CNOT11: variants seen among roughly 807,000 people sequenced by gnomAD.
The protein encoded by CNOT11 is UPF0760 protein C2orf29.
A neutral mutation model predicts 44.6 loss-of-function variants in CNOT11; 18 were observed. That is an observed-to-expected ratio of 0.40 (90% CI 0.28 to 0.60). CNOT11 has a LOEUF of 0.60. Among genes scored for constraint, CNOT11 ranks in the 20% least tolerant of loss-of-function variants. The pLI, the probability that CNOT11 is intolerant of heterozygous loss-of-function variation, is 0.38. For synonymous variants in CNOT11, 291 were observed against 270.9 expected (o/e 1.07, Z -0.73); for missense variants, 513 against 677.0 (o/e 0.76, Z 2.69).
chr2:101,264,792 G>A (rs1681942618), intron 3 of CNOT11, 53 bp from the exon 4 acceptor site: 2 of 1,364,908 alleles, frequency 1.5e-6, no homozygotes, highest in South Asian at 1.2e-5. Flanking sequence ...TGTGTGAGAT[G>A]TGTAGAGATG....
At position 101,262,546 on chromosome 2, in the gene CNOT11, A is replaced by G. The variant is rs200447002; in HGVS notation, c.687A>G (p.Gln229=). Residue 229 remains glutamine (Q), a synonymous_variant, in exon 3 of 7, where the codon CAA becomes CAG. Coordinates refer to ENST00000289382, the MANE Select transcript of CNOT11 (RefSeq NM_017546.5). ...AATGTCTCCTATTTCCAGAACGCCAATCTGAATTGCCAACGCAAAGCAAAG... is the reference window on the plus strand; with the variant it reads ...AATGTCTCCTATTTCCAGAACGCCAGTCTGAATTGCCAACGCAAAGCAAAG... ...SGLQLALAER[Q]SELPTQSKAS... 2.5e-6 allele frequency: 4 copies of G among 1,613,916 alleles called. No homozygotes were observed. The highest frequency in any genetic ancestry group is 2.5e-6 in the Non-Finnish European group (3 of 1,179,940).
intron 2 of CNOT11, among the ~76,000 whole-genome samples, chr2:101,262,066 T>C (rs1396635711): frequency 6.6e-6 from 1 of 152,040 alleles, no homozygotes; most frequent in Admixed American, 6.6e-5. Flanking sequence ...GCCAGGATGG[T>C]CTCGATCTCC....
At position 101,269,663 on chromosome 2, in the gene CNOT11, G is replaced by C; in HGVS notation, c.*250G>C. On this transcript the variant is annotated 3_prime_UTR_variant, in exon 7 of 7. Transcript: ENST00000289382. This position sits in a 1 kb window ranked among gnomAD's most constrained non-coding sequence, Gnocchi z 4.8. Reference sequence around the variant, plus strand: ...AGGAGGAATGGCTATCCCAAAAAAAGTTCCGCAAAAAAGTAGATGAGTTTC... The same window carrying C: ...AGGAGGAATGGCTATCCCAAAAAAACTTCCGCAAAAAAGTAGATGAGTTTC... 3.0e-6 allele frequency: 1 copy of C among 337,724 alleles called. No homozygotes were observed. 20.9% of individuals were successfully genotyped at this position (337,724 alleles called of 1,614,324 possible).
Position 101,259,624 on chromosome 2 carries a change from C to T in CNOT11, c.679+1669C>T, listed in dbSNP as rs75734995. Among the ~76,000 whole-genome samples the T allele has an allele frequency of 4.5e-3, 682 of 152,308 alleles. 3 individuals are homozygous for T. The highest frequency in any genetic ancestry group is 0.015 in the African/African-American group (613 of 41,556). ...AGTAAGCTGAAGTATTTTGACAATG[C>T]CCCATCCTTCTTAGACTTCATAAAC... On this transcript the variant is annotated intron_variant, in intron 2 of 6. Coordinates refer to ENST00000289382, the MANE Select transcript of CNOT11 (RefSeq NM_017546.5).
intron 1 of CNOT11, among the ~76,000 whole-genome samples, chr2:101,257,015 C>T (rs1245358798): frequency 6.6e-6 from 1 of 151,588 alleles, no homozygotes; most frequent in Non-Finnish European, 1.5e-5. Flanking sequence ...CACCACTGCA[C>T]TCCAGCCTGG....
intron 2 of CNOT11, among the ~76,000 whole-genome samples, chr2:101,260,919 T>C (rs951796275): frequency 6.6e-6 from 1 of 152,162 alleles, no homozygotes; most frequent in Non-Finnish European, 1.5e-5. Flanking sequence ...TACAGGATAA[T>C]TTTAGTGAGC....
chr2:101,265,862 C>T (rs1334215586), intron 4 of CNOT11, among the ~76,000 whole-genome samples: 1 of 152,170 alleles, frequency 6.6e-6, no homozygotes, highest in Non-Finnish European at 1.5e-5. Flanking sequence ...CAAGGCCACT[C>T]TTCTATTGGT....
intron 4 of CNOT11, 42 bp downstream of exon 4, chr2:101,265,089 ATTTATT>A (rs1681952107): frequency 1.5e-6 from 2 of 1,347,582 alleles, no homozygotes; most frequent in African/African-American, 3.0e-5. Flanking sequence ...TTTTTTTTAA[ATTTATT>A]TTTAATTAAA....
chr2:101,268,665 G>A (rs1682045929), intron 5 of CNOT11, among the ~76,000 whole-genome samples: 1 of 152,150 alleles, frequency 6.6e-6, no homozygotes, highest in South Asian at 2.1e-4. Context: ...CGGAATTCCT[G>A]TTCCCACCCC....
At chr2:101,262,290 T>C (rs1177856497) in intron 2 of CNOT11, 5 of 424,924 alleles carry the variant, frequency 1.2e-5, no homozygotes, top group Non-Finnish European at 1.3e-5. Context: ...TTCATCAACA[T>C]TGTTTTATTA....
chr2:101,257,515 G>A (rs1193314289), intron 1 of CNOT11, among the ~76,000 whole-genome samples: 1 of 152,058 alleles, frequency 6.6e-6, no homozygotes, highest in Non-Finnish European at 1.5e-5. Context: ...TTGACTGCCA[G>A]GCTGCGTTTT....
Position 101,269,222 on chromosome 2 carries a change from T to C in CNOT11, c.1342T>C (p.Leu448=), listed in dbSNP as rs1365722970. ...TTTTTTTTTCCTTTTTCAGAATCGGTTGGTGCGTCTTGTGTGTGTGTTTCT... is the reference window on the plus strand; with the variant it reads ...TTTTTTTTTCCTTTTTCAGAATCGGCTGGTGCGTCTTGTGTGTGTGTTTCT... ...QIKDKYMQNR[L]VRLVCVFLQS... The change falls in exon 7 of 7, where the codon TTG becomes CTG. Residue 448 remains leucine (L), a synonymous_variant. Coordinates refer to ENST00000289382, the MANE Select transcript of CNOT11 (RefSeq NM_017546.5). This position sits in a 1 kb window ranked among gnomAD's most constrained non-coding sequence, Gnocchi z 4.8. 1 of 1,610,964 alleles carries C rather than the reference T, an allele frequency of 6.2e-7. No homozygotes were observed. The highest frequency in any genetic ancestry group is 1.7e-5 in the Admixed American group (1 of 59,710).
At position 101,263,499 on chromosome 2, in the gene CNOT11, C is replaced by T. The variant is rs114642147; in HGVS notation, c.832+808C>T. On this transcript the variant is annotated intron_variant, in intron 3 of 6. Transcript: ENST00000289382. ...TGAGGCTCAGGGGATCCTCCTACCTCAGACTCCCACATAGTTGGAATTACA... is the reference window on the plus strand; with the variant it reads ...TGAGGCTCAGGGGATCCTCCTACCTTAGACTCCCACATAGTTGGAATTACA... Among the ~76,000 whole-genome samples, 677 of 152,320 alleles carry T rather than the reference C, an allele frequency of 4.4e-3. 3 individuals are homozygous for T. The highest frequency in any genetic ancestry group is 0.015 in the African/African-American group (644 of 41,564).
rs1681899151 is a variant in CNOT11 at position 101,262,819 on chromosome 2, TC to T, written c.832+129del. 4.1e-6 allele frequency: 3 copies of T among 723,092 alleles called. No homozygotes were observed. The South Asian group carries it at 5.9e-5, about 14-fold the overall frequency. The allele number at this position is 723,092 out of a possible 1,614,324, so 44.8% of individuals were successfully genotyped here. A position where few individuals can be genotyped will look rare whatever the true frequency, so the allele number is the denominator to read the frequency against. On this transcript the variant is annotated intron_variant, in intron 3 of 6. Transcript: ENST00000289382. ...TAAATTGTAATTTAGTGTGAATCTTTCTAGTGTAGTGAGTGTCTAGAACATA... is the reference window on the plus strand; with the variant it reads ...TAAATTGTAATTTAGTGTGAATCTTTTAGTGTAGTGAGTGTCTAGAACATA...
In CNOT11 at chr2:101,257,947, C is replaced by T; in HGVS notation, c.671C>T (p.Ala224Val). ...GTGGACATTAGTGGGCTTCAGTTAGCCTTGGCCGGTAAGGAGGAATCAGTG... is the reference window on the plus strand; with the variant it reads ...GTGGACATTAGTGGGCTTCAGTTAGTCTTGGCCGGTAAGGAGGAATCAGTG... ...QSVDISGLQL[A>V]LAERQSELPT... The change falls in exon 2 of 7, where the codon GCC (alanine) becomes GTC (valine). Residue 224 changes from alanine to valine, a missense_variant. Physicochemically the swap from Ala to Val is moderately conservative, Grantham distance 64. This residue lies in a region of CNOT11 where 27 missense variants were observed against 56.1 expected (regional missense o/e 0.48). Transcript: ENST00000289382. The T allele has an allele frequency of 6.2e-7, 1 of 1,611,856 alleles. No individual in the cohort carries two copies. Among genetic ancestry groups the T allele is most frequent in the Non-Finnish European group, 8.5e-7 (1 of 1,178,762 alleles).
rs1376637618 is a variant in CNOT11 at position 101,253,431 on chromosome 2, C to G, written c.467C>G (p.Ala156Gly). The stretch of plus-strand genomic sequence containing the variant: ...AGCTTCGCGCACCTGCTCAACCCCG[C>G]GCCGCCCGCCCGCGGCGGCCAGGAA... ...AASFAHLLNP[A>G]PPARGGQEPD... is the part of the protein sequence containing the mutation. Residue 156 changes from alanine (A) to glycine (G), a missense_variant, in exon 1 of 7, where the codon GCG becomes GGG. Coordinates refer to ENST00000289382, the MANE Select transcript of CNOT11 (RefSeq NM_017546.5). The surrounding 1 kb of genome is among the most constrained non-coding windows in gnomAD (Gnocchi z 4.3). 2.6e-6 allele frequency: 4 copies of G among 1,543,086 alleles called. No individual in the cohort carries two copies. The highest frequency in any genetic ancestry group is 3.5e-6 in the Non-Finnish European group (4 of 1,157,006).
chr2:101,266,047 G>GT (rs1254680602), intron 4 of CNOT11, among the ~76,000 whole-genome samples: 5 of 152,204 alleles, frequency 3.3e-5, no homozygotes, highest in Non-Finnish European at 1.5e-5. Context: ...AACATATTAA[G>GT]TAGACGGGGG....
At chr2:101,260,514 T>C (rs1362485959) in intron 2 of CNOT11, among the ~76,000 whole-genome samples, 2 of 152,164 alleles carry the variant, frequency 1.3e-5, no homozygotes, top group African/African-American at 4.8e-5. Context: ...GATCCATTCC[T>C]CTTCACAAGT....
At position 101,269,051 on chromosome 2, in the gene CNOT11, C is replaced by A; in HGVS notation, c.1250C>A (p.Ala417Asp). ...SMEVVNRLTT[A>D]VDLPPEFIHL... The stretch of plus-strand genomic sequence containing the variant: ...CTTTTACGAAACAGACTAACTACAG[C>A]TGTTGATCTACCTCCTGAATTTATT... The change falls in exon 6 of 7, where the codon GCT becomes GAT. Residue 417 changes from alanine (A) to aspartate (D), a missense_variant. Coordinates refer to ENST00000289382, the MANE Select transcript of CNOT11 (RefSeq NM_017546.5). This position sits in a 1 kb window ranked among gnomAD's most constrained non-coding sequence, Gnocchi z 4.8. The A allele has an allele frequency of 6.2e-7, 1 of 1,602,986 alleles. No homozygotes were observed. Among genetic ancestry groups the A allele is most frequent in the Non-Finnish European group, 8.5e-7 (1 of 1,173,402 alleles).
Sources: allele counts gnomAD v4.1 joint callset (sites outside exome capture counted in the v4.1 genomes callset), GRCh38; gene constraint gnomAD v4.1.1; regional missense constraint gnomAD v4.1.1; non-coding constraint Gnocchi (gnomAD v3.1); transcripts MANE v1.5; gene names NCBI Gene and HGNC (gene_info 2026-07-23, HGNC 2026-07-21).